WLS: variants seen among roughly 807,000 people sequenced by gnomAD.
WLS encodes the protein protein wntless homolog.
WLS carries 23 observed loss-of-function variants against 62.8 expected under a neutral mutation model. That is an observed-to-expected ratio of 0.37 (90% CI 0.26 to 0.52). WLS has a LOEUF of 0.52. Among genes scored for constraint, WLS ranks in the 20% least tolerant of loss-of-function variants. The probability of loss-of-function intolerance (pLI) is 0.92; values close to 1 mark genes in which losing one functional copy is unlikely to be tolerated. For missense variants in WLS, 615 were observed against 697.3 expected, an observed-to-expected ratio of 0.88 and a Z score of 1.33; for synonymous variants, 246 against 244.1, an observed-to-expected ratio of 1.01 and a Z score of -0.07.
In WLS at chr1:68,198,071, A is replaced by T. The variant is rs557074628; in HGVS notation, c.107-3844T>A. ...ACTCCCCAGTATTCCTAGGAGAGTA[A>T]TGCAATATTACCCAGCTGCCTCAGC... is the stretch of plus-strand genomic sequence containing the variant. On this transcript the variant is annotated intron_variant, in intron 1 of 11. Transcript: ENST00000262348. Among the ~76,000 whole-genome samples, 6 of 152,264 alleles carry T rather than the reference A, an allele frequency of 3.9e-5. No individual in the cohort carries two copies. In the East Asian group the frequency reaches 1.2e-3, roughly 29 times the overall value.
At chr1:68,186,594 G>A (rs1246331534) in intron 2 of WLS, 2 of 456,088 alleles carry the variant, frequency 4.4e-6, no homozygotes, top group East Asian at 7.0e-5. Context: ...GCCATCATGT[G>A]TAATAGGATC....
At chr1:68,131,500 G>C (rs1442257060) in intron 11 of WLS, among the ~76,000 whole-genome samples, 1 of 152,086 alleles carries the variant, frequency 6.6e-6, no homozygotes, top group Non-Finnish European at 1.5e-5. Flanking sequence ...CCTGGGTCCA[G>C]TTGTCTCTCG....
chr1:68,220,419 A>T (rs1649894434), intron 1 of WLS, among the ~76,000 whole-genome samples: 2 of 152,236 alleles, frequency 1.3e-5, no homozygotes, highest in Non-Finnish European at 2.9e-5. Flanking sequence ...TCCCAAGAAG[A>T]TGGAACTCGT....
At chr1:68,231,530 C>CG (rs1204591405) in intron 1 of WLS, 3 of 306,910 alleles carry the variant, frequency 9.8e-6, no homozygotes, top group African/African-American at 6.6e-5. Flanking sequence ...CGGCGCTGGT[C>CG]AAGGACTCCC....
At chr1:68,166,862 G>A (rs1401723640) in intron 2 of WLS, among the ~76,000 whole-genome samples, 1 of 152,164 alleles carries the variant, frequency 6.6e-6, no homozygotes, top group African/African-American at 2.4e-5. Context: ...AACTCAGAAA[G>A]CCCTACCCTA....
At chr1:68,154,311 T>C (rs1351587493) in intron 4 of WLS, among the ~76,000 whole-genome samples, 1 of 152,242 alleles carries the variant, frequency 6.6e-6, no homozygotes, top group Non-Finnish European at 1.5e-5. Flanking sequence ...ATTAAGTACA[T>C]GATCAATTTT....
At chr1:68,101,571 T>C (rs1570786059) in intron 11 of WLS, among the ~76,000 whole-genome samples, 1 of 152,236 alleles carries the variant, frequency 6.6e-6, no homozygotes, top group East Asian at 1.9e-4. Flanking sequence ...AGTGTGTTCC[T>C]GAGAGTGCTG....
chr1:68,106,908 C>T (rs1646155134), intron 11 of WLS, among the ~76,000 whole-genome samples: 1 of 152,142 alleles, frequency 6.6e-6, no homozygotes, highest in Non-Finnish European at 1.5e-5. Flanking sequence ...AGAGGAAATT[C>T]CCTTAAAAGA....
intron 11 of WLS, among the ~76,000 whole-genome samples, chr1:68,111,640 T>C (rs576887035): frequency 2.6e-5 from 4 of 152,302 alleles, no homozygotes; most frequent in Non-Finnish European, 5.9e-5. Flanking sequence ...AACAGTCCTT[T>C]GAACGAGCCC....
chr1:68,175,871 T>C (rs1647236230), intron 2 of WLS, among the ~76,000 whole-genome samples: 1 of 151,922 alleles, frequency 6.6e-6, no homozygotes, highest in African/African-American at 2.4e-5. Context: ...ACCCGGAAAA[T>C]ACATTTGTGC....
intron 1 of WLS, among the ~76,000 whole-genome samples, chr1:68,221,425 C>T (rs1049491500): frequency 4.6e-5 from 7 of 152,200 alleles, no homozygotes; most frequent in Non-Finnish European, 8.8e-5. Flanking sequence ...TTATCTATGA[C>T]TTCACTTAGC....
At chr1:68,226,142 A>AGCAC (rs1433871892) in intron 1 of WLS, among the ~76,000 whole-genome samples, 18 of 152,358 alleles carry the variant, frequency 1.2e-4, no homozygotes, top group East Asian at 7.7e-4. Context: ...TTACCTGATT[A>AGCAC]TAAAAATGAG....
chr1:68,192,052 A>G (rs1224554175), intron 2 of WLS, among the ~76,000 whole-genome samples: 4 of 152,180 alleles, frequency 2.6e-5, no homozygotes, highest in Non-Finnish European at 5.9e-5. Context: ...TTTGCCTGTC[A>G]TTTCCACTTA....
chr1:68,148,652 G>A lies in WLS; in HGVS notation c.981C>T (p.His327=), dbSNP rs149826196. 221 of 1,613,794 alleles carry A rather than the reference G, an allele frequency of 1.4e-4. 2 individuals are homozygous for A. The highest frequency in any genetic ancestry group is 3.6e-4 in the African/African-American group (27 of 75,048). The change falls in exon 7 of 12, where the codon CAC becomes CAT. Residue 327 remains histidine (H), a synonymous_variant. Transcript: ENST00000262348. Reference sequence around the variant, plus strand: ...AATACCCTGCGATGTGGTTCCGCTCGTGCTGATCCTGAGGAAAACCAAATT... The same window carrying A: ...AATACCCTGCGATGTGGTTCCGCTCATGCTGATCCTGAGGAAAACCAAATT... ...IFCGEHMMDQ[H]ERNHIAGYWK...
downstream of WLS, among the ~76,000 whole-genome samples, chr1:68,120,767 G>A (rs1349333685): frequency 2.6e-4 from 40 of 152,234 alleles, no homozygotes; most frequent in Admixed American, 2.6e-3. Flanking sequence ...TGATAAAGGA[G>A]AGAGGCCTAG....
rs1386371923 is a variant in WLS at position 68,110,747 on chromosome 1, G to A, written c.1511-11994C>T. Among the ~76,000 whole-genome samples, 10 of 149,722 alleles carry A rather than the reference G, an allele frequency of 6.7e-5. No homozygotes were observed. In the East Asian group the frequency reaches 9.8e-4, roughly 15 times the overall value. ...TATATATGTTTGTATATATATGTGTGTATATATATATATATTTGCTCGATA... is the reference window on the plus strand; with the variant it reads ...TATATATGTTTGTATATATATGTGTATATATATATATATATTTGCTCGATA... On this transcript the variant is annotated intron_variant, in intron 11 of 11. Coordinates refer to the WLS transcript ENST00000354777.
At chr1:68,172,140 A>G (rs1489242536) in intron 2 of WLS, among the ~76,000 whole-genome samples, 3 of 150,602 alleles carry the variant, frequency 2.0e-5, no homozygotes, top group Admixed American at 2.0e-4. Flanking sequence ...AGGGAGGGGA[A>G]CATCACACCT....
intron 2 of WLS, 138 bp from the exon 3 acceptor site, chr1:68,159,385 C>T (rs919098854): frequency 1.7e-6 from 2 of 1,170,822 alleles, no homozygotes; most frequent in African/African-American, 3.1e-5. Context: ...AACTCCAAAC[C>T]TGAAGACTTA....
At chr1:68,142,379 C>T (rs1322165194) in intron 10 of WLS, among the ~76,000 whole-genome samples, 2 of 152,182 alleles carry the variant, frequency 1.3e-5, no homozygotes, top group African/African-American at 4.8e-5. Context: ...GATGCCGTTT[C>T]TCCAAGGAAG....
Sources: allele counts gnomAD v4.1 joint callset (sites outside exome capture counted in the v4.1 genomes callset), GRCh38; gene constraint gnomAD v4.1.1; transcripts MANE v1.5; gene names NCBI Gene and HGNC (gene_info 2026-07-23, HGNC 2026-07-21).